Variants in LSAMP observed in about 807,000 individuals in gnomAD.
LSAMP encodes limbic system associated membrane protein.
Under a neutral mutation model 38.6 loss-of-function variants are expected in LSAMP, and 7 were observed. That is an observed-to-expected ratio of 0.18 (90% CI 0.10 to 0.34). The LOEUF is 0.34. LSAMP is among the 10% of genes least tolerant of loss of function. LSAMP has a pLI of 1.00. For missense variants in LSAMP, 313 were observed against 420.0 expected (o/e 0.75, Z 2.23); for synonymous variants, 154 against 166.8 (o/e 0.92, Z 0.59).
chr3:116,102,204 A>G (rs181847026), intron 1 of LSAMP, among the ~76,000 whole-genome samples: 13 of 152,338 alleles, frequency 8.5e-5, no homozygotes, highest in Admixed American at 7.8e-4. Flanking sequence ...TAGGCAGTCC[A>G]GATTCTTTCA....
intron 1 of LSAMP, among the ~76,000 whole-genome samples, chr3:116,178,040 G>T (rs1710392947): frequency 6.6e-6 from 1 of 152,032 alleles, no homozygotes; most frequent in South Asian, 2.1e-4. Flanking sequence ...CTGAAAGCAG[G>T]GTTAGTAGGT....
intron 1 of LSAMP, among the ~76,000 whole-genome samples, chr3:116,128,774 A>G (rs1559753478): frequency 6.6e-6 from 1 of 152,174 alleles, no homozygotes; most frequent in Admixed American, 6.5e-5. Context: ...TTCTTCAGCT[A>G]CGATTAAGAA....
At chr3:116,261,278 G>C (rs1024415765) in intron 1 of LSAMP, among the ~76,000 whole-genome samples, 2 of 152,098 alleles carry the variant, frequency 1.3e-5, no homozygotes, top group African/African-American at 2.4e-5. Flanking sequence ...CCAGTTATCA[G>C]CATCTTTCTG....
chr3:116,024,044 C>G (rs1216044129), intron 2 of LSAMP, among the ~76,000 whole-genome samples: 1 of 152,170 alleles, frequency 6.6e-6, no homozygotes, highest in African/African-American at 2.4e-5. Context: ...CATTCCCCAC[C>G]CTGCCTCCCA....
At chr3:116,109,575 A>C (rs1009736039) in intron 1 of LSAMP, among the ~76,000 whole-genome samples, 3 of 152,206 alleles carry the variant, frequency 2.0e-5, no homozygotes, top group Non-Finnish European at 4.4e-5. Context: ...AACAAGAAAT[A>C]TTTAGATCTT....
intron 1 of LSAMP, among the ~76,000 whole-genome samples, chr3:116,120,424 A>G (rs912513700): frequency 6.6e-6 from 1 of 151,724 alleles, no homozygotes; most frequent in South Asian, 2.1e-4. Flanking sequence ...GGAGGGAAGG[A>G]GGAAGGAAGA....
At chr3:116,016,966 A>G (rs1221861961) in intron 3 of LSAMP, among the ~76,000 whole-genome samples, 1 of 152,102 alleles carries the variant, frequency 6.6e-6, no homozygotes, top group African/African-American at 2.4e-5. Flanking sequence ...TTCCTGGTTG[A>G]TATTGAAGCC....
intron 1 of LSAMP, among the ~76,000 whole-genome samples, chr3:116,103,557 CTTTT>C (rs547545490): frequency 1.7e-5 from 2 of 117,960 alleles, no homozygotes; most frequent in Admixed American, 8.5e-5. Flanking sequence ...CTCATTCCAT[CTTTT>C]TTTTTTTTTT....
intron 1 of LSAMP, among the ~76,000 whole-genome samples, chr3:116,429,414 T>A (rs941718697): frequency 6.6e-6 from 1 of 152,190 alleles, no homozygotes; most frequent in Non-Finnish European, 1.5e-5. Flanking sequence ...TTGGTTGACC[T>A]CATATTTTGT....
chr3:116,242,006 T>C (rs1413254774), intron 1 of LSAMP, among the ~76,000 whole-genome samples: 1 of 70,710 alleles, frequency 1.4e-5, no homozygotes, highest in Non-Finnish European at 4.5e-5. Flanking sequence ...TGAGGCTTTC[T>C]TTTTAGACTT....
chr3:116,144,140 T>A (rs1171045079), intron 1 of LSAMP, among the ~76,000 whole-genome samples: 1 of 152,052 alleles, frequency 6.6e-6, no homozygotes, highest in African/African-American at 2.4e-5. Context: ...GTCATTTTTT[T>A]TAAATGAACC....
At chr3:116,006,355 G>T (rs1257202269) in intron 3 of LSAMP, among the ~76,000 whole-genome samples, 1 of 152,056 alleles carries the variant, frequency 6.6e-6, no homozygotes, top group East Asian at 1.9e-4. Context: ...GAGCATGCTG[G>T]CACCTCGATC....
In LSAMP at chr3:116,136,889, T is replaced by C. The variant is rs1709261647; in HGVS notation, c.156-50333A>G. On this transcript the variant is annotated intron_variant, in intron 1 of 6. Transcript: ENST00000490035. ...AATGAGTTTATTTAGCTCATTACAT[T>C]AGTTTCCTAGGGACTGCCATAAAAA... 4.6e-5 allele frequency among the ~76,000 whole-genome samples: 7 copies of C among 152,194 alleles called. 1 individual carries two copies. The South Asian group carries it at 1.5e-3, about 32-fold the overall frequency.
chr3:116,388,348 G>A lies in LSAMP; in HGVS notation c.155+56529C>T, dbSNP rs1472400136. Reference sequence around the variant, plus strand: ...GTTTTTTGTTTGTTTGTTTGTTTTAGCTTTTGATTCTCAATTGTTCTTGCC... The same window carrying A: ...GTTTTTTGTTTGTTTGTTTGTTTTAACTTTTGATTCTCAATTGTTCTTGCC... On this transcript the variant is annotated intron_variant, in intron 1 of 6. Coordinates refer to ENST00000490035, the MANE Select transcript of LSAMP (RefSeq NM_002338.5). Among the ~76,000 whole-genome samples the A allele has an allele frequency of 2.6e-5, 4 of 152,078 alleles. No homozygotes were observed. The East Asian group carries it at 7.7e-4, about 29-fold the overall frequency.
At chr3:116,053,001 G>A (rs1043707210) in intron 2 of LSAMP, among the ~76,000 whole-genome samples, 2 of 152,174 alleles carry the variant, frequency 1.3e-5, no homozygotes, top group African/African-American at 4.8e-5. Context: ...CTCTTAGTGG[G>A]GAGGAAGAGA....
At chr3:116,382,487 C>T (rs1178493491) in intron 1 of LSAMP, among the ~76,000 whole-genome samples, 1 of 143,366 alleles carries the variant, frequency 7.0e-6, no homozygotes, top group Non-Finnish European at 1.5e-5. Flanking sequence ...GGGAACATCA[C>T]ACACCGGGGC....
chr3:115,901,088 TA>T (rs1170834930), intron 3 of LSAMP, among the ~76,000 whole-genome samples: 1 of 152,054 alleles, frequency 6.6e-6, no homozygotes, highest in African/African-American at 2.4e-5. Flanking sequence ...TAAGAGAAGG[TA>T]AAGCAGTAGG....
intron 5 of LSAMP, 47 bp from the exon 6 acceptor site, chr3:115,842,040 T>C (rs1463553185): frequency 3.2e-6 from 5 of 1,558,462 alleles, no homozygotes; most frequent in Non-Finnish European, 4.3e-6. Flanking sequence ...TGGTGAAGAT[T>C]TTAGCTTAGG....
intron 6 of LSAMP, among the ~76,000 whole-genome samples, chr3:115,839,262 TTTCCTTCC>T (rs1192339424): frequency 0.055 from 4,314 of 78,582 alleles, 107 homozygotes; most frequent in Middle Eastern, 0.089. Context: ...TCCTTCTTTC[TTTCCTTCC>T]TTCCTTCCTT....
Sources: allele counts gnomAD v4.1 joint callset (sites outside exome capture counted in the v4.1 genomes callset), GRCh38; gene constraint gnomAD v4.1.1; transcripts MANE v1.5; gene names NCBI Gene and HGNC (gene_info 2026-07-23, HGNC 2026-07-21).